NDUFAF6: variants seen among roughly 807,000 people sequenced by gnomAD.
NDUFAF6 encodes NADH dehydrogenase (ubiquinone) complex I, assembly factor 6.
NDUFAF6 carries 45 observed loss-of-function variants against 40.8 expected under a neutral mutation model. The observed-to-expected ratio is 1.10, with a 90% confidence interval of 0.87 to 1.42. The LOEUF is 1.42. Ranked by LOEUF, NDUFAF6 falls within the 40% of genes most tolerant of loss-of-function variation. The probability of loss-of-function intolerance (pLI) is 0.00; values close to 1 mark genes in which losing one functional copy is unlikely to be tolerated. For missense variants in NDUFAF6, 435 were observed against 418.5 expected (o/e 1.04, Z -0.34); for synonymous variants, 185 against 155.9 (o/e 1.19, Z -1.39).
chr8:94,976,565 T>G (rs1287324207), intron 1 of NDUFAF6, among the ~76,000 whole-genome samples: 2 of 148,382 alleles, frequency 1.3e-5, no homozygotes, highest in South Asian at 2.1e-4. Context: ...TCCCAGCTAC[T>G]TGGGAGGCTG....
intron 4 of NDUFAF6, among the ~76,000 whole-genome samples, chr8:95,112,581 A>C (rs544102410): frequency 6.6e-6 from 1 of 152,220 alleles, no homozygotes; most frequent in East Asian, 1.9e-4. Context: ...GTTTGTGACA[A>C]TCTGTTCTGG....
chr8:95,105,056 CACACACACACAGAG>C (rs1160531091), downstream of NDUFAF6, among the ~76,000 whole-genome samples: 4 of 60,664 alleles, frequency 6.6e-5, no homozygotes, highest in African/African-American at 2.7e-4. Flanking sequence ...CACACACACA[CACACACACACAGAG>C]AGAGAGAGAG....
chr8:95,007,288 A>G (rs921799339), intron 2 of NDUFAF6, among the ~76,000 whole-genome samples: 5 of 114,894 alleles, frequency 4.4e-5, no homozygotes, highest in African/African-American at 1.8e-4. Flanking sequence ...CATTTTAACA[A>G]ACTAATGCCT....
intron 9 of NDUFAF6, among the ~76,000 whole-genome samples, chr8:95,070,071 A>G (rs1832803216): frequency 6.6e-6 from 1 of 151,540 alleles, no homozygotes; most frequent in Non-Finnish European, 1.5e-5. Context: ...AGGCATTTTT[A>G]TTACCTTTGT....
chr8:94,909,013 T>C (rs922922112), intron 1 of NDUFAF6, among the ~76,000 whole-genome samples: 1 of 152,084 alleles, frequency 6.6e-6, no homozygotes. Context: ...AATTGGAAAG[T>C]TTATATATGT....
At chr8:95,108,731 G>A (rs1026203451) in intron 4 of NDUFAF6, among the ~76,000 whole-genome samples, 2 of 151,974 alleles carry the variant, frequency 1.3e-5, no homozygotes, top group African/African-American at 4.8e-5. Flanking sequence ...GAACCTTTGT[G>A]CTTTGCTGGT....
intron 1 of NDUFAF6, among the ~76,000 whole-genome samples, chr8:94,939,345 A>G (rs540912821): frequency 2.0e-5 from 3 of 152,274 alleles, no homozygotes; most frequent in African/African-American, 7.2e-5. Context: ...TGAGAATGCT[A>G]TTATATAACT....
chr8:95,007,827 C>T (rs775874157), intron 2 of NDUFAF6, among the ~76,000 whole-genome samples: 1 of 151,906 alleles, frequency 6.6e-6, no homozygotes, highest in Non-Finnish European at 1.5e-5. Context: ...TAGGCTCAAG[C>T]GATTCTCCCA....
At position 95,010,553 on chromosome 8, in the gene NDUFAF6, C is replaced by T. The variant is rs1382642047; in HGVS notation, c.-83-21442C>T. 3.3e-5 allele frequency among the ~76,000 whole-genome samples: 5 copies of T among 152,126 alleles called. No individual in the cohort carries two copies. In the East Asian group the frequency reaches 9.6e-4, roughly 29 times the overall value. On this transcript the variant is annotated intron_variant, in intron 2 of 9. Coordinates refer to the NDUFAF6 transcript ENST00000396111. ...TTTATAGGGTTTCCCCCCTTTCTTT[C>T]TCTTTAAGAGCAAAAAAGAAAAGGA...
At chr8:95,040,289 G>C (rs1830009327) in intron 3 of NDUFAF6, among the ~76,000 whole-genome samples, 1 of 152,200 alleles carries the variant, frequency 6.6e-6, no homozygotes, top group South Asian at 2.1e-4. Context: ...GTCCTTCTCA[G>C]AGTATCACAT....
chr8:95,099,229 G>A (rs146623872), upstream of NDUFAF6, among the ~76,000 whole-genome samples: 136 of 151,948 alleles, frequency 9.0e-4, no homozygotes, highest in Non-Finnish European at 1.4e-3. Flanking sequence ...GACAGAGCAA[G>A]ACCCTGTCTC....
At chr8:94,969,408 C>G (rs1824277044) in intron 1 of NDUFAF6, among the ~76,000 whole-genome samples, 1 of 152,150 alleles carries the variant, frequency 6.6e-6, no homozygotes, top group Non-Finnish European at 1.5e-5. Context: ...TGAAAAGTAG[C>G]AGAAGGTCAT....
At chr8:94,969,938 T>C (rs1395039232) in intron 1 of NDUFAF6, among the ~76,000 whole-genome samples, 1 of 151,974 alleles carries the variant, frequency 6.6e-6, no homozygotes, top group African/African-American at 2.4e-5. Context: ...CTGGCACCAT[T>C]AGCAAGAAAA....
chr8:94,935,619 C>T (rs937268300), intron 1 of NDUFAF6, among the ~76,000 whole-genome samples: 9 of 152,158 alleles, frequency 5.9e-5, no homozygotes, highest in African/African-American at 2.2e-4. Context: ...CTCTCCTACA[C>T]AAGTGGGTAA....
At chr8:94,995,096 A>G (rs1033191097) in intron 2 of NDUFAF6, among the ~76,000 whole-genome samples, 2 of 152,224 alleles carry the variant, frequency 1.3e-5, no homozygotes, top group Non-Finnish European at 2.9e-5. Context: ...TGACAGGTGA[A>G]TGGATAAACA....
chr8:95,078,204 G>A (rs984415196), downstream of NDUFAF6, among the ~76,000 whole-genome samples: 2 of 152,108 alleles, frequency 1.3e-5, no homozygotes, highest in Non-Finnish European at 2.9e-5. Flanking sequence ...GCTGGGGTCG[G>A]TCCCCTGAGG....
chr8:95,056,452 A>G (rs567370115), intron 8 of NDUFAF6, among the ~76,000 whole-genome samples: 2 of 152,084 alleles, frequency 1.3e-5, no homozygotes, highest in South Asian at 2.1e-4. Flanking sequence ...AGCTCAAACA[A>G]TCCACCTGCC....
chr8:94,959,046 T>C (rs1051871894), intron 1 of NDUFAF6, among the ~76,000 whole-genome samples: 1 of 148,906 alleles, frequency 6.7e-6, no homozygotes, highest in Non-Finnish European at 1.5e-5. Context: ...AAGAATGATA[T>C]GGCAGAGAAG....
intron 2 of NDUFAF6, among the ~76,000 whole-genome samples, chr8:95,093,869 C>T (rs1809350492): frequency 6.6e-6 from 1 of 152,252 alleles, no homozygotes; most frequent in South Asian, 2.1e-4. Context: ...ATCTTCCCTG[C>T]AAAGGGCCCA....
Sources: gnomAD v4.1 joint callset for allele counts (sites outside exome capture counted in the v4.1 genomes callset) on GRCh38, gnomAD v4.1.1 for gene constraint, MANE v1.5 for transcripts, NCBI Gene and HGNC (gene_info 2026-07-23, HGNC 2026-07-21) for gene names.